The following GFRA2 variants were observed in gnomAD, a reference collection of about 807,000 sequenced individuals.
GFRA2 encodes the protein GDNF family receptor alpha-2.
A neutral mutation model predicts 48.3 loss-of-function variants in GFRA2; 17 were observed. The observed-to-expected ratio is 0.35, with a 90% CI of 0.24 to 0.53. The LOEUF (loss-of-function observed/expected upper bound fraction) is 0.53, where lower values mean the gene tolerates loss of function less well. Among genes scored for constraint, GFRA2 ranks in the 20% least tolerant of loss-of-function variants. The pLI, the probability that GFRA2 is intolerant of heterozygous loss-of-function variation, is 0.93. For synonymous variants in GFRA2, 305 were observed against 257.2 expected (o/e 1.19, Z -1.78); for missense variants, 660 against 637.3 (o/e 1.04, Z -0.38).
intron 4 of GFRA2, among the ~76,000 whole-genome samples, chr8:21,746,710 C>T (rs1296743418): frequency 6.6e-6 from 1 of 152,022 alleles, no homozygotes; most frequent in African/African-American, 2.4e-5. Flanking sequence ...AATACTTAGC[C>T]CTGTTTCAAC....
intron 2 of GFRA2, among the ~76,000 whole-genome samples, chr8:21,780,141 C>T (rs957214600): frequency 7.9e-5 from 12 of 152,006 alleles, no homozygotes; most frequent in Admixed American, 3.3e-4. Context: ...CACTCCCAAT[C>T]CCCCTGTTCC....
intron 3 of GFRA2, among the ~76,000 whole-genome samples, chr8:21,771,668 C>A (rs1297183967): frequency 6.6e-6 from 1 of 152,116 alleles, no homozygotes; most frequent in Non-Finnish European, 1.5e-5. Flanking sequence ...TCCAGGAGGC[C>A]CCTATAACAG....
chr8:21,742,248 G>T (rs964358109), intron 4 of GFRA2, among the ~76,000 whole-genome samples: 22 of 152,302 alleles, frequency 1.4e-4, no homozygotes, highest in African/African-American at 5.1e-4. Context: ...GGTGATTAGG[G>T]TTAGATGAGG....
intron 7 of GFRA2, among the ~76,000 whole-genome samples, chr8:21,699,522 G>A (rs901696282): frequency 3.3e-5 from 5 of 152,146 alleles, no homozygotes; most frequent in Non-Finnish European, 7.4e-5. Context: ...TCTGGGCCCA[G>A]AGTAGCCCCA....
intron 1 of GFRA2, among the ~76,000 whole-genome samples, chr8:21,783,715 G>A (rs1016264738): frequency 1.7e-4 from 25 of 150,606 alleles, no homozygotes; most frequent in African/African-American, 5.4e-4. Context: ...GTTCCGCCCC[G>A]GCCCCCTCCA....
At chr8:21,765,409 C>T (rs541929954) in intron 3 of GFRA2, among the ~76,000 whole-genome samples, 1 of 152,158 alleles carries the variant, frequency 6.6e-6, no homozygotes, top group African/African-American at 2.4e-5. Context: ...CTACACCTGA[C>T]CCACTTCCCC....
chr8:21,772,152 T>C (rs1475448495), intron 3 of GFRA2, among the ~76,000 whole-genome samples: 1 of 152,150 alleles, frequency 6.6e-6, no homozygotes, highest in Non-Finnish European at 1.5e-5. Flanking sequence ...CATGTCCTCA[T>C]TCAGACAGAA....
At chr8:21,766,544 G>A (rs559760637) in intron 3 of GFRA2, among the ~76,000 whole-genome samples, 19 of 151,526 alleles carry the variant, frequency 1.3e-4, no homozygotes, top group Non-Finnish European at 2.4e-4. Flanking sequence ...GTCGCAGGAC[G>A]CCCCAAACAC....
At chr8:21,784,715 C>A (rs1321975923) in intron 1 of GFRA2, among the ~76,000 whole-genome samples, 1 of 152,254 alleles carries the variant, frequency 6.6e-6, no homozygotes, top group Non-Finnish European at 1.5e-5. Flanking sequence ...CCTTCTCCCA[C>A]TGACCAGACC....
intron 7 of GFRA2, among the ~76,000 whole-genome samples, chr8:21,695,182 G>T (rs948639324): frequency 1.3e-4 from 20 of 152,194 alleles, no homozygotes; most frequent in African/African-American, 4.8e-4. Context: ...GGCTGCCTTG[G>T]TAATGATTCC....
At chr8:21,768,236 G>A (rs1021816942) in intron 3 of GFRA2, among the ~76,000 whole-genome samples, 2 of 152,212 alleles carry the variant, frequency 1.3e-5, no homozygotes, top group Non-Finnish European at 2.9e-5. Context: ...CCCAATTTTC[G>A]TTGACACTCA....
intron 3 of GFRA2, among the ~76,000 whole-genome samples, chr8:21,766,904 C>T (rs1418123787): frequency 1.5e-5 from 2 of 132,180 alleles, no homozygotes; most frequent in African/African-American, 3.0e-5. Flanking sequence ...CATCCACACA[C>T]ACGCTAACAC....
upstream of GFRA2, among the ~76,000 whole-genome samples, chr8:21,791,392 T>C (rs1807571374): frequency 6.6e-6 from 1 of 152,110 alleles, no homozygotes. Flanking sequence ...CTTGTGTGAC[T>C]GCAGGGCACT....
chr8:21,791,266 C>T (rs888751015), upstream of GFRA2, among the ~76,000 whole-genome samples: 37 of 152,154 alleles, frequency 2.4e-4, no homozygotes, highest in Admixed American at 9.8e-4. Context: ...TGAGCTCCCA[C>T]GGGAGTAGGA....
intron 7 of GFRA2, 55 bp downstream of exon 7, chr8:21,702,750 C>T (rs1477824358): frequency 1.3e-6 from 2 of 1,504,998 alleles, no homozygotes; most frequent in Non-Finnish European, 1.8e-6. Flanking sequence ...AGTCATTTCC[C>T]ATGCCACTTC....
At chr8:21,806,568 G>A (rs554453914) in intron 1 of GFRA2, among the ~76,000 whole-genome samples, 30 of 152,242 alleles carry the variant, frequency 2.0e-4, no homozygotes, top group African/African-American at 4.1e-4. Context: ...GGACTCAAGC[G>A]ATCCTCCTAC....
At chr8:21,706,698 G>A (rs764513595) in intron 4 of GFRA2, among the ~76,000 whole-genome samples, 3 of 152,090 alleles carry the variant, frequency 2.0e-5, no homozygotes, top group Admixed American at 6.5e-5. Context: ...CCCTGGTGAC[G>A]GTAACACGCC....
At chr8:21,718,725 G>C (rs761499577) in intron 4 of GFRA2, among the ~76,000 whole-genome samples, 1 of 152,160 alleles carries the variant, frequency 6.6e-6, no homozygotes, top group African/African-American at 2.4e-5. Flanking sequence ...AGTGGTAATC[G>C]AACAGTTCTC....
chr8:21,696,670 G>A (rs1312520966), intron 7 of GFRA2, among the ~76,000 whole-genome samples: 3 of 152,148 alleles, frequency 2.0e-5, no homozygotes, highest in Admixed American at 6.5e-5. Flanking sequence ...AAAGGCCGAC[G>A]CTCCAGAGAG....
Sources: allele counts gnomAD v4.1 joint callset (sites outside exome capture counted in the v4.1 genomes callset), GRCh38; gene constraint gnomAD v4.1.1; transcripts MANE v1.5; gene names NCBI Gene and HGNC (gene_info 2026-07-23, HGNC 2026-07-21).